MYPN: variants seen among roughly 807,000 people sequenced by gnomAD.
MYPN encodes the protein sarcomeric protein myopalladin, 145 kDa (MYOP).
MYPN carries 63 observed loss-of-function variants against 129.4 expected under a neutral mutation model. The observed-to-expected ratio is 0.49, with a 90% confidence interval of 0.40 to 0.60. The LOEUF is 0.60. Ranked by LOEUF, MYPN falls within the 20% of genes least tolerant of loss-of-function variation. MYPN has a pLI of 0.00. For synonymous variants in MYPN, 629 were observed against 600.9 expected, an observed-to-expected ratio of 1.05 and a Z score of -0.68; for missense variants, 1,596 against 1,635.4, an observed-to-expected ratio of 0.98 and a Z score of 0.42.
rs17457486 is a variant in MYPN at position 68,148,183 on chromosome 10, A to G, written c.1131-170A>G. On this transcript the variant is annotated intron_variant, in intron 4 of 19. Coordinates refer to ENST00000358913, the MANE Select transcript of MYPN (RefSeq NM_032578.4). Reference sequence around the variant, plus strand: ...ATGCATTTTCGTGTTTGCATTGCCTAACAAAATGTGTAGCAAAAATGCCCT... The same window carrying G: ...ATGCATTTTCGTGTTTGCATTGCCTGACAAAATGTGTAGCAAAAATGCCCT... Among the ~76,000 whole-genome samples the G allele has an allele frequency of 0.033, 5,002 of 152,264 alleles. 110 individuals are homozygous for G. Among genetic ancestry groups the G allele is most frequent in the Non-Finnish European group, 0.051 (3,437 of 68,006 alleles).
chr10:68,194,265 A>G (rs1183840733), intron 13 of MYPN, 98 bp from the exon 14 acceptor site: 37 of 1,302,330 alleles, frequency 2.8e-5, no homozygotes, highest in Non-Finnish European at 3.9e-5. Context: ...ATGGTCACTT[A>G]AAAGATGGCA....
At chr10:68,107,304 G>T (rs1278047297), upstream of MYPN, among the ~76,000 whole-genome samples, 2 of 149,710 alleles carry the variant, frequency 1.3e-5, no homozygotes, top group Non-Finnish European at 3.0e-5. Context: ...AAAAGAGAAA[G>T]ATGACTGCCA....
chr10:68,202,903 TA>T (rs1281907391), intron 18 of MYPN, among the ~76,000 whole-genome samples: 1 of 152,072 alleles, frequency 6.6e-6, no homozygotes, highest in Admixed American at 6.6e-5. Flanking sequence ...TTTTCTACAG[TA>T]AAACTTAAGC....
chr10:68,189,600 G>C (rs181690522), intron 13 of MYPN, among the ~76,000 whole-genome samples: 181 of 152,242 alleles, frequency 1.2e-3, no homozygotes, highest in African/African-American at 4.2e-3. Flanking sequence ...CCACATGTCA[G>C]TCAGAACATG....
intron 12 of MYPN, among the ~76,000 whole-genome samples, chr10:68,178,903 A>G (rs2043270836): frequency 6.6e-6 from 1 of 151,520 alleles, no homozygotes; most frequent in African/African-American, 2.4e-5. Context: ...TCTTATTCCA[A>G]CTTTCCTCCT....
chr10:68,180,769 T>A (rs2043301803), intron 12 of MYPN, among the ~76,000 whole-genome samples: 1 of 152,152 alleles, frequency 6.6e-6, no homozygotes, highest in Non-Finnish European at 1.5e-5. Flanking sequence ...CATATCCAAT[T>A]AGGATGCATC....
intron 2 of MYPN, among the ~76,000 whole-genome samples, chr10:68,134,050 A>G (rs1390326183): frequency 6.6e-6 from 1 of 152,188 alleles, no homozygotes; most frequent in Non-Finnish European, 1.5e-5. Flanking sequence ...TAACATAGCA[A>G]ACAGAAGAAG....
intron 6 of MYPN, among the ~76,000 whole-genome samples, chr10:68,157,011 ATG>A (rs1201876562): frequency 6.6e-6 from 1 of 152,204 alleles, no homozygotes; most frequent in East Asian, 1.9e-4. Flanking sequence ...ACAGAAAAGA[ATG>A]TATTGTTTTC....
intron 6 of MYPN, among the ~76,000 whole-genome samples, chr10:68,154,234 TTGAATG>T (rs1445272404): frequency 6.6e-6 from 1 of 152,160 alleles, no homozygotes; most frequent in Non-Finnish European, 1.5e-5. Context: ...CTCACACTTC[TTGAATG>T]TGAAGGGAGG....
intron 5 of MYPN, 48 bp from the exon 6 acceptor site, chr10:68,149,992 C>T (rs758622318): frequency 6.6e-7 from 1 of 1,517,320 alleles, no homozygotes; most frequent in Non-Finnish European, 9.2e-7. Flanking sequence ...CACTATCCAT[C>T]TAATAATATT....
chr10:68,147,126 A>T (rs1317282419), intron 4 of MYPN, among the ~76,000 whole-genome samples: 1 of 152,122 alleles, frequency 6.6e-6, no homozygotes, highest in Non-Finnish European at 1.5e-5. Context: ...TAATCCTCAC[A>T]AAACCCTATG....
At chr10:68,188,827 A>G in intron 12 of MYPN, 78 bp from the exon 13 acceptor site, 1 of 1,184,936 alleles carries the variant, frequency 8.4e-7, no homozygotes, top group Non-Finnish European at 1.2e-6. Flanking sequence ...AATCTTAAAA[A>G]GTGGCTTCCT....
chr10:68,158,759 T>C, intron 7 of MYPN, 132 bp downstream of exon 7: 2 of 663,808 alleles, frequency 3.0e-6, no homozygotes. Context: ...GTAATCATAC[T>C]CCTGTTAATA....
intron 1 of MYPN, among the ~76,000 whole-genome samples, chr10:68,112,080 T>A (rs74659478): frequency 0.051 from 7,834 of 152,294 alleles, 548 homozygotes; most frequent in East Asian, 0.2. Flanking sequence ...GGGATTTCCT[T>A]TATAACAGTT....
rs146599886 is a variant in MYPN, at chr10:68,183,078, T to A, written c.2704-5827T>A. Among the ~76,000 whole-genome samples, 402 of 152,290 alleles carry A rather than the reference T, an allele frequency of 2.6e-3. 5 individuals carry two copies. Among genetic ancestry groups the A allele is most frequent in the African/African-American group, 9.3e-3 (387 of 41,540 alleles). ...GAATACATAGAGACAATGTGGTATT[T>A]ATATTCTCAGGCAGGTGCTTAAAGC... On this transcript the variant is annotated intron_variant, in intron 12 of 19. Coordinates refer to ENST00000358913, the MANE Select transcript of MYPN (RefSeq NM_032578.4).
rs759317778 is a variant in MYPN, at chr10:68,199,457, G to T, written c.3375G>T (p.Glu1125Asp). The T allele has an allele frequency of 6.2e-7, 1 of 1,614,188 alleles. No individual in the cohort carries two copies. Among genetic ancestry groups the T allele is most frequent in the South Asian group, 1.1e-5 (1 of 91,086 alleles). Reference protein sequence around the residue: ...PDASHKMLVRETGVHSLLIDP... With the variant: ...PDASHKMLVRDTGVHSLLIDP... ...CCTCCCACAAGATGCTGGTCAGGGA[G>T]ACCGGAGTCCACTCTCTGCTCATTG... is the stretch of plus-strand genomic sequence containing the variant. Residue 1125 changes from glutamate to aspartate, a missense_variant, in exon 17 of 20, where the codon GAG (glutamate) becomes GAT (aspartate). By Grantham distance (45) the Glu-to-Asp change is conservative. Transcript: ENST00000358913.
At chr10:68,198,046 A>G in intron 16 of MYPN, among the ~76,000 whole-genome samples, 1 of 152,188 alleles carries the variant, frequency 6.6e-6, no homozygotes, top group Non-Finnish European at 1.5e-5. Context: ...TTCATTTAAT[A>G]TTGTCAGATT....
chr10:68,173,921 C>T (rs924706035), intron 10 of MYPN, 145 bp from the exon 11 acceptor site: 1 of 735,422 alleles, frequency 1.4e-6, no homozygotes, highest in African/African-American at 1.7e-5. Context: ...CCTGTCTCCG[C>T]CTCCCAAAGT....
intron 4 of MYPN, among the ~76,000 whole-genome samples, chr10:68,146,275 A>T (rs922493960): frequency 1.3e-5 from 2 of 152,178 alleles, no homozygotes; most frequent in African/African-American, 4.8e-5. Context: ...TCCTTTGTTC[A>T]AGCTATTCAC....
Sources: allele counts gnomAD v4.1 joint callset (sites outside exome capture counted in the v4.1 genomes callset), GRCh38; gene constraint gnomAD v4.1.1; transcripts MANE v1.5; gene names NCBI Gene and HGNC (gene_info 2026-07-23, HGNC 2026-07-21).